Variants in VWF observed in about 807,000 individuals in gnomAD.
The protein encoded by VWF is von Willebrand factor.
VWF carries 176 observed loss-of-function variants against 308.6 expected under a neutral mutation model. The observed-to-expected ratio is 0.57, with a 90% confidence interval of 0.50 to 0.65. The LOEUF (loss-of-function observed/expected upper bound fraction) is 0.65, where lower values mean the gene tolerates loss of function less well. Among genes scored for constraint, VWF ranks in the 30% least tolerant of loss-of-function variants. The pLI, the probability that VWF is intolerant of heterozygous loss-of-function variation, is 0.00. For synonymous variants in VWF, 1,385 were observed against 1,443.4 expected, an observed-to-expected ratio of 0.96 and a Z score of 0.92; for missense variants, 3,146 against 3,648.2, an observed-to-expected ratio of 0.86 and a Z score of 3.55.
rs376980353 is a variant in VWF, at chr12:6,034,770, G to C, written c.2603C>G (p.Ser868Cys). 4 of 1,614,138 alleles carry C rather than the reference G, an allele frequency of 2.5e-6. No homozygotes were observed. In the African/African-American group the frequency reaches 4.0e-5, roughly 16 times the overall value. ...GAGGTAGTGGGCCATGCCGATCGTG[G>C]AGCACGTGGCATCACACACATGGTC... ...CTDHVCDATC[S>C]TIGMAHYLTF... is the part of the protein sequence containing the mutation. The change falls in exon 20 of 52, where the codon TCC becomes TGC. Residue 868 changes from serine to cysteine, a missense_variant. Transcript: ENST00000261405.
At chr12:5,951,929 T>C (rs1419082276) in intron 49 of VWF, 46 bp from the exon 50 acceptor site, 36 of 1,607,996 alleles carry the variant, frequency 2.2e-5, no homozygotes, top group South Asian at 4.4e-5. Flanking sequence ...CAGTACAGAG[T>C]AGACAGCTTT....
chr12:5,956,907 T>C (rs1203763160), intron 47 of VWF, among the ~76,000 whole-genome samples: 1 of 152,232 alleles, frequency 6.6e-6, no homozygotes, highest in East Asian at 1.9e-4. Context: ...ACAATGTTTA[T>C]AGACTATAGC....
rs1565848442 is a variant in VWF, at chr12:6,060,880, C to G, written c.1533+2074G>C. Among the ~76,000 whole-genome samples the G allele has an allele frequency of 6.6e-6, 1 of 152,150 alleles. No individual in the cohort carries two copies. The highest frequency in any genetic ancestry group is 1.5e-5 in the Non-Finnish European group (1 of 68,032). On this transcript the variant is annotated intron_variant, in intron 13 of 51. Coordinates refer to ENST00000261405, the MANE Select transcript of VWF (RefSeq NM_000552.5). This position sits in a 1 kb window ranked among gnomAD's most constrained non-coding sequence, Gnocchi z 5.1. ...AAAGTGCATGGGTGGAGAGCACCCT[C>G]TCTGTGAGGTGGGAAGATGCTGAGA...
At chr12:5,963,707 G>A (rs570054564) in intron 47 of VWF, among the ~76,000 whole-genome samples, 6 of 152,264 alleles carry the variant, frequency 3.9e-5, no homozygotes, top group South Asian at 4.1e-4. Flanking sequence ...ACAAGGTCTC[G>A]CTCTGTCACC....
At chr12:6,000,011 T>C (rs1048117146) in intron 34 of VWF, among the ~76,000 whole-genome samples, 1 of 149,574 alleles carries the variant, frequency 6.7e-6, no homozygotes, top group Non-Finnish European at 1.5e-5. Context: ...ATGAAGAAAG[T>C]ATAAAGGTCA....
chr12:5,999,525 A>G (rs1445159945), intron 34 of VWF, among the ~76,000 whole-genome samples: 5 of 151,500 alleles, frequency 3.3e-5, no homozygotes, highest in Non-Finnish European at 7.4e-5. Flanking sequence ...TGACTTTTCT[A>G]TACTAATAGA....
At position 6,018,474 on chromosome 12, in the gene VWF, A is replaced by C. The variant is rs201825372; in HGVS notation, c.4944T>G (p.Pro1648=). The C allele has an allele frequency of 6.4e-7, 1 of 1,556,436 alleles. No homozygotes were observed. The change falls in exon 28 of 52, where the codon CCT becomes CCG. Residue 1648 remains proline, a synonymous_variant. Transcript: ENST00000261405. The stretch of plus-strand genomic sequence containing the variant: ...GCGTCTCAAAGTCCTGGATGAGGAT[A>C]GGGGCATTGGGCCAGCCAATCCTCT... ...ELERIGWPNA[P]ILIQDFETLP...
intron 3 of VWF, among the ~76,000 whole-genome samples, chr12:6,119,032 C>A (rs981115592): frequency 3.3e-5 from 5 of 152,252 alleles, no homozygotes; most frequent in African/African-American, 9.6e-5. Context: ...AAGGCCATTC[C>A]GCCTCCTACC....
At chr12:5,959,392 TC>T (rs1326560924) in intron 47 of VWF, among the ~76,000 whole-genome samples, 2 of 152,260 alleles carry the variant, frequency 1.3e-5, no homozygotes, top group Non-Finnish European at 2.9e-5. Flanking sequence ...TTTTATGTTC[TC>T]TCAGTAATTG....
intron 6 of VWF, among the ~76,000 whole-genome samples, chr12:6,094,617 GC>G (rs1183982429): frequency 6.6e-6 from 1 of 152,276 alleles, no homozygotes; most frequent in East Asian, 1.9e-4. Context: ...AAAAGGTGGC[GC>G]CTTTTAGGAA....
intron 34 of VWF, 36 bp downstream of exon 34, chr12:6,011,581 T>C: frequency 6.4e-7 from 1 of 1,560,992 alleles, no homozygotes; most frequent in Non-Finnish European, 8.7e-7. Flanking sequence ...CACTGCCCCT[T>C]TGACGCTGCC....
At chr12:6,064,189 G>C (rs1270005284) in intron 12 of VWF, 57 bp downstream of exon 12, 1 of 1,613,046 alleles carries the variant, frequency 6.2e-7, no homozygotes, top group East Asian at 2.2e-5. Flanking sequence ...TGAGAAGGAG[G>C]GTGCTAAGGG....
chr12:6,110,026 T>C (rs1247595459), intron 5 of VWF, among the ~76,000 whole-genome samples: 1 of 152,204 alleles, frequency 6.6e-6, no homozygotes, highest in Non-Finnish European at 1.5e-5. Flanking sequence ...ACTGGCCTTT[T>C]TGGATGGTGT....
rs373896832 is a variant in VWF, at chr12:5,976,157, C to A, written c.7391G>T (p.Arg2464Leu). ...GGGCTTCTGGGAGCACTGGGCCACG[C>A]GGAGGCCCATCACGGCATCCTCCAT... ...TDMEDAVMGL[R>L]VAQCSQKPCE... Residue 2464 changes from arginine to leucine, a missense_variant, in exon 43 of 52, where the codon CGC becomes CTC. Coordinates refer to ENST00000261405, the MANE Select transcript of VWF (RefSeq NM_000552.5). 5 of 1,613,974 alleles carry A rather than the reference C, an allele frequency of 3.1e-6. No individual in the cohort carries two copies. The highest frequency in any genetic ancestry group is 4.2e-6 in the Non-Finnish European group (5 of 1,180,050).
At chr12:6,022,169 G>A (rs1944136714) in intron 26 of VWF, 134 bp from the exon 27 acceptor site, 1 of 1,246,674 alleles carries the variant, frequency 8.0e-7, no homozygotes, top group Non-Finnish European at 1.2e-6. Context: ...CACTCCCAGG[G>A]GTCACCCCAT....
At chr12:5,992,674 C>T (rs982934331) in intron 37 of VWF, among the ~76,000 whole-genome samples, 7 of 152,170 alleles carry the variant, frequency 4.6e-5, no homozygotes, top group African/African-American at 1.7e-4. Context: ...CAGCTTAGAA[C>T]TGCCTTGGGA....
At chr12:6,110,788 A>G in intron 4 of VWF, 78 bp downstream of exon 4, 1 of 1,494,942 alleles carries the variant, frequency 6.7e-7, no homozygotes. Context: ...TCTGGGCCCC[A>G]GCTTCCTCAT....
chr12:6,123,929 C>A (rs529945977), intron 1 of VWF, among the ~76,000 whole-genome samples: 1 of 152,214 alleles, frequency 6.6e-6, no homozygotes, highest in African/African-American at 2.4e-5. Context: ...CCCCTCTCCT[C>A]GGGAAAAGTT....
At chr12:6,025,451 A>G in intron 24 of VWF, 129 bp downstream of exon 24, 1 of 778,804 alleles carries the variant, frequency 1.3e-6, no homozygotes, top group Non-Finnish European at 2.2e-6. Context: ...AAAAAGCCGA[A>G]GTGGTGTCTT....
Sources: allele counts gnomAD v4.1 joint callset (sites outside exome capture counted in the v4.1 genomes callset), GRCh38; gene constraint gnomAD v4.1.1; non-coding constraint Gnocchi (gnomAD v3.1); transcripts MANE v1.5; gene names NCBI Gene and HGNC (gene_info 2026-07-23, HGNC 2026-07-21).